Variants in DNAJC24 observed in about 807,000 individuals in gnomAD.
DNAJC24 encodes the protein DnaJ heat shock protein family (Hsp40) member C24, also known as dnaJ homolog subfamily C member 24.
A neutral mutation model predicts 18.0 loss-of-function variants in DNAJC24; 17 were observed. The ratio of observed to expected loss-of-function variants is 0.94; its 90% confidence interval spans 0.65 to 1.42. The LOEUF (loss-of-function observed/expected upper bound fraction) is 1.42, where lower values mean the gene tolerates loss of function less well. Among genes scored for constraint, DNAJC24 ranks in the 40% most tolerant of loss-of-function variants. The probability of loss-of-function intolerance (pLI) is 0.00; values close to 1 mark genes in which losing one functional copy is unlikely to be tolerated. For synonymous variants in DNAJC24, 55 were observed against 57.7 expected (o/e 0.95, Z 0.21); for missense variants, 158 against 175.6 (o/e 0.90, Z 0.57).
chr11:31,391,672 AC>A (rs1319608507), intron 2 of DNAJC24, among the ~76,000 whole-genome samples: 2 of 152,194 alleles, frequency 1.3e-5, no homozygotes, highest in Non-Finnish European at 2.9e-5. Flanking sequence ...AATTAGTGCA[AC>A]CAGTATGGAG....
At chr11:31,395,200 A>C (rs984390799) in intron 2 of DNAJC24, among the ~76,000 whole-genome samples, 1 of 152,210 alleles carries the variant, frequency 6.6e-6, no homozygotes, top group African/African-American at 2.4e-5. Flanking sequence ...TGTTGCTGGA[A>C]AGGAATGATC....
At chr11:31,373,882 AT>A (rs1952289044) in intron 2 of DNAJC24, among the ~76,000 whole-genome samples, 1 of 134,658 alleles carries the variant, frequency 7.4e-6, no homozygotes, top group African/African-American at 2.5e-5. Flanking sequence ...AAAATAATTC[AT>A]TTTTCACTTG....
chr11:31,403,538 AAG>A (rs1223933147), intron 2 of DNAJC24, among the ~76,000 whole-genome samples: 4 of 152,200 alleles, frequency 2.6e-5, no homozygotes, highest in African/African-American at 9.7e-5. Context: ...TTGTTTAAGG[AAG>A]CAGAGCTTTG....
At chr11:31,370,946 G>A in intron 2 of DNAJC24, 87 bp downstream of exon 2, 3 of 705,794 alleles carry the variant, frequency 4.3e-6, no homozygotes, top group Non-Finnish European at 7.1e-6. Flanking sequence ...CCAGAAAATA[G>A]GATACCAGTG....
At chr11:31,425,731 G>T (rs951256943) in intron 3 of DNAJC24, among the ~76,000 whole-genome samples, 1 of 152,114 alleles carries the variant, frequency 6.6e-6, no homozygotes, top group Non-Finnish European at 1.5e-5. Flanking sequence ...CAAATTATGG[G>T]TTAGGGCTTC....
chr11:31,390,573 G>C (rs1209687194), intron 2 of DNAJC24, among the ~76,000 whole-genome samples: 1 of 151,388 alleles, frequency 6.6e-6, no homozygotes, highest in Non-Finnish European at 1.5e-5. Context: ...GGGCCTGGTG[G>C]CGCATGCCTG....
chr11:31,416,416 GT>G (rs1171140187), intron 3 of DNAJC24: 1 of 152,168 alleles, frequency 6.6e-6, no homozygotes, highest in Non-Finnish European at 1.5e-5. Context: ...ACATGAATGT[GT>G]TGTGTGTTAG....
intron 2 of DNAJC24, among the ~76,000 whole-genome samples, chr11:31,391,508 A>C (rs1952495862): frequency 6.6e-6 from 1 of 152,256 alleles, no homozygotes; most frequent in Admixed American, 6.5e-5. Flanking sequence ...AAAGTTGTTC[A>C]ATCAACATCA....
At chr11:31,370,906 AT>A (rs773845463) in intron 2 of DNAJC24, 47 bp downstream of exon 2, 14 of 1,259,890 alleles carry the variant, frequency 1.1e-5, no homozygotes, top group Non-Finnish European at 1.6e-5. Flanking sequence ...AAAAAAATCA[AT>A]TTTTATATGA....
At chr11:31,430,160 C>T (rs1952905205) in intron 4 of DNAJC24, 111 bp from the exon 5 acceptor site, 6 of 955,066 alleles carry the variant, frequency 6.3e-6, no homozygotes, top group Non-Finnish European at 8.9e-6. Flanking sequence ...CTTTACTGAG[C>T]TTCTTTGTTT....
intron 2 of DNAJC24, among the ~76,000 whole-genome samples, chr11:31,389,020 A>G (rs1466445101): frequency 1.3e-5 from 2 of 152,210 alleles, no homozygotes; most frequent in Non-Finnish European, 2.9e-5. Context: ...GGCTACACAA[A>G]AAATAAAAAG....
At chr11:31,374,784 ACTT>A (rs1216601314) in intron 2 of DNAJC24, among the ~76,000 whole-genome samples, 1 of 133,612 alleles carries the variant, frequency 7.5e-6, no homozygotes, top group African/African-American at 2.5e-5. Context: ...GAATGAACTC[ACTT>A]CTTTGTCTCT....
Position 31,395,370 on chromosome 11 carries a change from T to C in DNAJC24, c.112-19441T>C, listed in dbSNP as rs1952534856. On this transcript the variant is annotated intron_variant, in intron 2 of 4. Coordinates refer to ENST00000465995, the MANE Select transcript of DNAJC24 (RefSeq NM_181706.5). The stretch of plus-strand genomic sequence containing the variant: ...AACATACACATCCATGTCCTATGTG[T>C]CTTTGTGGTGTAAGGATTTATAGTC... 2.0e-5 allele frequency among the ~76,000 whole-genome samples: 3 copies of C among 152,142 alleles called. No individual in the cohort carries two copies. The South Asian group carries it at 6.2e-4, about 32-fold the overall frequency.
rs961818996 is a variant in DNAJC24, at chr11:31,415,047, T to A, written c.250+98T>A. ...AGCATTTTCCAGCATTTGCACCAAG[T>A]GTTATTGTTGCCTTTATTCCTCCCC... On this transcript the variant is annotated intron_variant, in intron 3 of 4. Transcript: ENST00000465995. 4.6e-6 allele frequency: 6 copies of A among 1,317,650 alleles called. No homozygotes were observed. The African/African-American group carries it at 7.4e-5, about 16-fold the overall frequency. 81.6% of individuals were successfully genotyped at this position (1,317,650 alleles called of 1,614,324 possible).
At chr11:31,415,804 A>C (rs1251966087) in intron 3 of DNAJC24, 1 of 152,202 alleles carries the variant, frequency 6.6e-6, no homozygotes, top group East Asian at 1.9e-4. Context: ...CGCTTATTGA[A>C]TCCCCTCCCA....
At position 31,378,810 on chromosome 11, in the gene DNAJC24, G is replaced by A. The variant is rs1191402762; in HGVS notation, c.111+7951G>A. Among the ~76,000 whole-genome samples the A allele has an allele frequency of 5.9e-5, 9 of 152,342 alleles. No homozygotes were observed. In the East Asian group the frequency reaches 1.7e-3, roughly 29 times the overall value. On this transcript the variant is annotated intron_variant, in intron 2 of 4. Transcript: ENST00000465995. ...AATTACACTAGAAACTTGGTGAAAA[G>A]TGTGAAAGGTGGCAGTGTGGTGTTG... is the stretch of plus-strand genomic sequence containing the variant.
At chr11:31,422,570 G>T (rs1591921941) in intron 3 of DNAJC24, among the ~76,000 whole-genome samples, 1 of 152,058 alleles carries the variant, frequency 6.6e-6, no homozygotes, top group East Asian at 1.9e-4. Context: ...TTAGGAGATA[G>T]GATTTACTTT....
chr11:31,410,473 C>A (rs1023947566), intron 2 of DNAJC24, among the ~76,000 whole-genome samples: 6 of 152,256 alleles, frequency 3.9e-5, no homozygotes, highest in South Asian at 4.1e-4. Flanking sequence ...TTCTCTCAGT[C>A]TGTGGCTTGT....
intron 2 of DNAJC24, among the ~76,000 whole-genome samples, chr11:31,380,729 A>T (rs1952368264): frequency 6.6e-6 from 1 of 152,182 alleles, no homozygotes; most frequent in Non-Finnish European, 1.5e-5. Flanking sequence ...GTGAGTCTTG[A>T]CTACATGTAT....
Sources: allele counts gnomAD v4.1 joint callset (sites outside exome capture counted in the v4.1 genomes callset), GRCh38; gene constraint gnomAD v4.1.1; transcripts MANE v1.5; gene names NCBI Gene and HGNC (gene_info 2026-07-23, HGNC 2026-07-21).